MAP3K13: variants seen among roughly 807,000 people sequenced by gnomAD.
MAP3K13 encodes mitogen-activated protein kinase kinase kinase 13.
Under a neutral mutation model 104.0 loss-of-function variants are expected in MAP3K13, and 52 were observed. The observed-to-expected ratio is 0.50, with a 90% CI of 0.40 to 0.63. MAP3K13 has a LOEUF of 0.63. Ranked by LOEUF, MAP3K13 falls within the 20% of genes least tolerant of loss-of-function variation. The probability of loss-of-function intolerance (pLI) is 0.00; values close to 1 mark genes in which losing one functional copy is unlikely to be tolerated. For missense variants in MAP3K13, 914 were observed against 1,218.5 expected (o/e 0.75, Z 3.72); for synonymous variants, 394 against 442.2 (o/e 0.89, Z 1.37).
At chr3:185,341,986 G>A (rs1241969118) in intron 2 of MAP3K13, among the ~76,000 whole-genome samples, 1 of 152,132 alleles carries the variant, frequency 6.6e-6, no homozygotes, top group African/African-American at 2.4e-5. Flanking sequence ...GCAGCTTTTT[G>A]CTTGCTGTGA....
At chr3:185,375,321 C>A (rs960716787) in intron 1 of MAP3K13, among the ~76,000 whole-genome samples, 1 of 151,746 alleles carries the variant, frequency 6.6e-6, no homozygotes, top group Non-Finnish European at 1.5e-5. Context: ...GGCAAATCCC[C>A]GAACTTGATG....
chr3:185,329,331 CT>C (rs1389588576), intron 2 of MAP3K13: 2 of 690,232 alleles, frequency 2.9e-6, no homozygotes, highest in African/African-American at 3.5e-5. Flanking sequence ...TGCTTTTCCT[CT>C]GGTTTAGATT....
At chr3:185,455,148 TGAGATATATATGATATATATGA>T (rs1560118516) in intron 7 of MAP3K13, among the ~76,000 whole-genome samples, 5 of 48,134 alleles carry the variant, frequency 1.0e-4, no homozygotes, top group African/African-American at 3.2e-4. Context: ...GATATATATG[TGAGATATATATGATATATATGA>T]GATATATATG....
chr3:185,368,404 T>C (rs1428103664), intron 1 of MAP3K13, among the ~76,000 whole-genome samples: 2 of 152,164 alleles, frequency 1.3e-5, no homozygotes, highest in Non-Finnish European at 2.9e-5. Context: ...CCAGCATGAA[T>C]TTAAAATCTT....
At chr3:185,383,067 T>C (rs1397660801) in intron 1 of MAP3K13, among the ~76,000 whole-genome samples, 1 of 140,730 alleles carries the variant, frequency 7.1e-6, no homozygotes, top group African/African-American at 2.6e-5. Context: ...TGTGTCCATG[T>C]GTTCTCATTG....
intron 7 of MAP3K13, among the ~76,000 whole-genome samples, chr3:185,456,210 T>C (rs530661466): frequency 6.6e-6 from 1 of 152,164 alleles, no homozygotes; most frequent in African/African-American, 2.4e-5. Context: ...TTACCAAAGT[T>C]CTAACACACC....
Position 185,460,313 on chromosome 3 carries a change from A to T in MAP3K13, c.1279-3237A>T, listed in dbSNP as rs901231726. Among the ~76,000 whole-genome samples, 7 of 151,930 alleles carry T rather than the reference A, an allele frequency of 4.6e-5. 1 individual carries two copies. Among genetic ancestry groups the T allele is most frequent in the South Asian group, 4.2e-4 (2 of 4,818 alleles). ...AAGCTCTGTCTTTACTTTTTATTTT[A>T]TTTTTTTATTTTTTGGAGCAACCCT... is the stretch of plus-strand genomic sequence containing the variant. On this transcript the variant is annotated intron_variant, in intron 7 of 13. Transcript: ENST00000265026.
rs375482781 is a variant in MAP3K13, at chr3:185,336,416, C to G, written c.-86+50773C>G. Among the ~76,000 whole-genome samples the G allele has an allele frequency of 1.2e-4, 18 of 151,786 alleles. No homozygotes were observed. In the South Asian group the frequency reaches 3.8e-3, roughly 32 times the overall value. ...AATTAGCTGGGCATGGTGGCACATG[C>G]CTATAGTTGCAGCTACTCAGGAGGC... On this transcript the variant is annotated intron_variant, in intron 2 of 14. Coordinates refer to the MAP3K13 transcript ENST00000424227.
At position 185,473,089 on chromosome 3, in the gene MAP3K13, C is replaced by T; in HGVS notation, c.1758C>T (p.Ser586=). The T allele has an allele frequency of 6.2e-7, 1 of 1,614,170 alleles. No individual in the cohort carries two copies. Among genetic ancestry groups the T allele is most frequent in the Non-Finnish European group, 8.5e-7 (1 of 1,180,036 alleles). Residue 586 remains serine, a synonymous_variant, in exon 11 of 14, where the codon AGC becomes AGT. Transcript: ENST00000265026. This position sits in a 1 kb window ranked among gnomAD's most constrained non-coding sequence, Gnocchi z 4.9. ...STSSSKSRYR[S]KPRHRRGNSR... ...CTAGCAGCAAGAGCCGATATCGAAGCAAACCACGCCACCGCCGAGGGAATA... is the reference window on the plus strand; with the variant it reads ...CTAGCAGCAAGAGCCGATATCGAAGTAAACCACGCCACCGCCGAGGGAATA...
intron 1 of MAP3K13, among the ~76,000 whole-genome samples, chr3:185,412,196 G>A (rs1254310019): frequency 6.6e-6 from 1 of 150,940 alleles, no homozygotes; most frequent in Non-Finnish European, 1.5e-5. Context: ...CTTTCCATTA[G>A]AACTGTCTTA....
At chr3:185,372,350 C>G (rs1036921275) in intron 1 of MAP3K13, among the ~76,000 whole-genome samples, 2 of 152,138 alleles carry the variant, frequency 1.3e-5, no homozygotes, top group African/African-American at 2.4e-5. Context: ...GAGTAGGATT[C>G]CTTCCATCTG....
At chr3:185,292,717 G>C (rs1577398126) in intron 2 of MAP3K13, 1 of 985,178 alleles carries the variant, frequency 1.0e-6, no homozygotes, top group Non-Finnish European at 1.2e-6. Context: ...ACCATGTCCA[G>C]GTTGGATACA....
At chr3:185,329,920 G>A (rs1722189042) in intron 2 of MAP3K13, among the ~76,000 whole-genome samples, 1 of 115,328 alleles carries the variant, frequency 8.7e-6, no homozygotes, top group Non-Finnish European at 1.7e-5. Flanking sequence ...TTTTTGAGAC[G>A]GAGTCTCGCT....
intron 1 of MAP3K13, among the ~76,000 whole-genome samples, chr3:185,413,381 G>A (rs1410169853): frequency 6.6e-6 from 1 of 152,152 alleles, no homozygotes; most frequent in Admixed American, 6.5e-5. Context: ...GTTGCCACTA[G>A]CCACATGTGG....
intron 1 of MAP3K13, among the ~76,000 whole-genome samples, chr3:185,386,648 C>T (rs1315680397): frequency 6.6e-6 from 1 of 152,156 alleles, no homozygotes; most frequent in Non-Finnish European, 1.5e-5. Context: ...AGGGAGTCAA[C>T]CTAAATGCCC....
At chr3:185,353,970 G>T (rs983379862) in intron 2 of MAP3K13, among the ~76,000 whole-genome samples, 3 of 152,158 alleles carry the variant, frequency 2.0e-5, no homozygotes, top group African/African-American at 7.2e-5. Flanking sequence ...GAGGGTGGCA[G>T]TGCAGACTGG....
chr3:185,443,749 C>A, intron 4 of MAP3K13, 113 bp downstream of exon 4: 1 of 852,274 alleles, frequency 1.2e-6, no homozygotes, highest in Non-Finnish European at 1.9e-6. Flanking sequence ...CAGTTTCAAT[C>A]AGCACAGTGG....
At chr3:185,481,743 G>A (rs1387833432) in intron 13 of MAP3K13, among the ~76,000 whole-genome samples, 2 of 152,310 alleles carry the variant, frequency 1.3e-5, no homozygotes, top group East Asian at 1.9e-4. Context: ...AATAGCATCT[G>A]TCTCATAGTG....
At chr3:185,451,422 G>A (rs1253247524) in intron 7 of MAP3K13, 27 bp downstream of exon 7, 2 of 1,469,124 alleles carry the variant, frequency 1.4e-6, no homozygotes, top group East Asian at 2.3e-5. Flanking sequence ...CCTACCAGGT[G>A]CTACTAAACA....
Sources: gnomAD v4.1 joint callset for allele counts (sites outside exome capture counted in the v4.1 genomes callset) on GRCh38, gnomAD v4.1.1 for gene constraint, Gnocchi (gnomAD v3.1) non-coding constraint, MANE v1.5 for transcripts, NCBI Gene and HGNC (gene_info 2026-07-23, HGNC 2026-07-21) for gene names.